IL1RAPL1: variants seen among roughly 807,000 people sequenced by gnomAD.
IL1RAPL1 encodes interleukin 1 receptor accessory protein like 1.
A neutral mutation model predicts 48.4 loss-of-function variants in IL1RAPL1; 3 were observed. The observed-to-expected ratio is 0.06, with a 90% CI of 0.03 to 0.16. The LOEUF is 0.16. IL1RAPL1 is among the 10% of genes least tolerant of loss of function. IL1RAPL1 has a pLI of 1.00. For synonymous variants in IL1RAPL1, 185 were observed against 187.7 expected (o/e 0.99, Z 0.12); for missense variants, 349 against 530.6 (o/e 0.66, Z 3.36).
At chrX:29,073,218 C>T (rs2147442070) in intron 2 of IL1RAPL1, among the ~76,000 whole-genome samples, 1 of 112,185 alleles carries the variant, frequency 8.9e-6, no homozygotes, top group Non-Finnish European at 1.9e-5. Context: ...AATCATATTA[C>T]ATTATCAGTA....
intron 2 of IL1RAPL1, among the ~76,000 whole-genome samples, chrX:28,955,548 A>T (rs890789276): frequency 3.7e-5 from 4 of 109,197 alleles, no homozygotes; most frequent in African/African-American, 1.3e-4. Context: ...TCCTTTCCCC[A>T]TTGCTTGTTT....
chrX:28,862,131 C>CT (rs772805527), intron 2 of IL1RAPL1, among the ~76,000 whole-genome samples: 1 of 112,003 alleles, frequency 8.9e-6, no homozygotes, highest in African/African-American at 3.2e-5. Context: ...GAAACACTAG[C>CT]TATCAGATTA....
intron 6 of IL1RAPL1, among the ~76,000 whole-genome samples, chrX:29,914,401 C>T (rs1413323437): frequency 9.0e-6 from 1 of 111,537 alleles, no homozygotes; most frequent in Non-Finnish European, 1.9e-5. Flanking sequence ...TAAGGAATGT[C>T]AGATTCCTTA....
intron 2 of IL1RAPL1, among the ~76,000 whole-genome samples, chrX:28,936,251 T>G (rs1197204979): frequency 9.0e-6 from 1 of 111,223 alleles, no homozygotes; most frequent in African/African-American, 3.3e-5. Context: ...TCAGATGATT[T>G]TCTCTATGGG....
chrX:29,659,472 A>G lies in IL1RAPL1; in HGVS notation c.704-8958A>G, dbSNP rs146852879. On this transcript the variant is annotated intron_variant, in intron 5 of 10. Coordinates refer to ENST00000378993, the MANE Select transcript of IL1RAPL1 (RefSeq NM_014271.4). ...AGGAAACTCCATAGAGTTTTCCACA[A>G]TGGCAGTACTACTTTACGTTTCCAC... Among the ~76,000 whole-genome samples, 944 of 112,275 alleles carry G rather than the reference A, an allele frequency of 8.4e-3. 6 individuals carry two copies. Among genetic ancestry groups the G allele is most frequent in the African/African-American group, 0.028 (872 of 30,910 alleles).
chrX:29,848,924 A>C (rs1054705558), intron 6 of IL1RAPL1, among the ~76,000 whole-genome samples: 1 of 110,211 alleles, frequency 9.1e-6, no homozygotes, highest in Non-Finnish European at 1.9e-5. Flanking sequence ...GCACCACCAT[A>C]CCTGGCAAAT....
intron 5 of IL1RAPL1, among the ~76,000 whole-genome samples, chrX:29,493,803 T>C (rs772576567): frequency 9.0e-6 from 1 of 111,340 alleles, no homozygotes; most frequent in Non-Finnish European, 1.9e-5. Context: ...ACCCACTAGG[T>C]AGTTTTTCAG....
At chrX:28,772,929 C>T (rs184698117) in intron 1 of IL1RAPL1, among the ~76,000 whole-genome samples, 5 of 111,915 alleles carry the variant, frequency 4.5e-5, no homozygotes, top group African/African-American at 1.6e-4. Flanking sequence ...CAACTATCTA[C>T]CTGCTCCTCA....
At chrX:29,508,731 A>G (rs1935362604) in intron 5 of IL1RAPL1, among the ~76,000 whole-genome samples, 1 of 111,716 alleles carries the variant, frequency 9.0e-6, no homozygotes, top group African/African-American at 3.3e-5. Flanking sequence ...TCTTTATGTG[A>G]GAAAAAATAA....
intron 5 of IL1RAPL1, among the ~76,000 whole-genome samples, chrX:29,467,704 C>T (rs958893394): frequency 2.7e-5 from 3 of 111,752 alleles, no homozygotes; most frequent in East Asian, 2.8e-4. Context: ...TCTGTATCTA[C>T]GCAATAAAAT....
intron 2 of IL1RAPL1, among the ~76,000 whole-genome samples, chrX:29,220,757 G>A (rs1413353018): frequency 9.0e-6 from 1 of 111,665 alleles, no homozygotes; most frequent in African/African-American, 3.3e-5. Flanking sequence ...GAAAAATAAA[G>A]GTAAGATGCA....
intron 6 of IL1RAPL1, among the ~76,000 whole-genome samples, chrX:29,726,748 G>A: frequency 1.8e-5 from 2 of 112,265 alleles, no homozygotes; most frequent in Admixed American, 1.9e-4. Flanking sequence ...TGAGGCAGGA[G>A]GATATCTTGA....
chrX:28,850,112 T>C lies in IL1RAPL1; in HGVS notation c.82+60687T>C, dbSNP rs1921620942. Among the ~76,000 whole-genome samples the C allele has an allele frequency of 3.6e-5, 4 of 112,615 alleles. No homozygotes were observed. In the South Asian group the frequency reaches 1.1e-3, roughly 31 times the overall value. ...GCTGAATTTTCTACAGTAATTTTTA[T>C]TTATCCATAAGTATTTGATTTCTGC... On this transcript the variant is annotated intron_variant, in intron 2 of 10. Coordinates refer to ENST00000378993, the MANE Select transcript of IL1RAPL1 (RefSeq NM_014271.4).
chrX:28,960,307 G>A (rs1036145858), intron 2 of IL1RAPL1, among the ~76,000 whole-genome samples: 2 of 111,359 alleles, frequency 1.8e-5, no homozygotes, highest in Non-Finnish European at 3.8e-5. Flanking sequence ...AGGGGGTTTA[G>A]CATTTTTATT....
chrX:29,837,292 T>TAC (rs1347691509), intron 6 of IL1RAPL1, among the ~76,000 whole-genome samples: 4 of 74,725 alleles, frequency 5.4e-5, no homozygotes, highest in African/African-American at 2.5e-4. Flanking sequence ...TATATATATA[T>TAC]ATATATATAC....
intron 2 of IL1RAPL1, among the ~76,000 whole-genome samples, chrX:29,029,170 C>T (rs1447977222): frequency 9.0e-6 from 1 of 111,115 alleles, no homozygotes; most frequent in African/African-American, 3.3e-5. Flanking sequence ...TGGGAGAAAC[C>T]ACCCCCATGA....
intron 6 of IL1RAPL1, among the ~76,000 whole-genome samples, chrX:29,733,036 G>T (rs1321492619): frequency 9.0e-6 from 1 of 111,310 alleles, no homozygotes; most frequent in Non-Finnish European, 1.9e-5. Flanking sequence ...GAAGAGAAAG[G>T]GAGGGAGGCA....
chrX:29,061,792 T>C (rs1389330512), intron 2 of IL1RAPL1, among the ~76,000 whole-genome samples: 1 of 112,692 alleles, frequency 8.9e-6, no homozygotes, highest in Non-Finnish European at 1.9e-5. Flanking sequence ...AACTAGCCTT[T>C]GGAAAATGGG....
intron 6 of IL1RAPL1, among the ~76,000 whole-genome samples, chrX:29,800,751 G>A (rs1385091930): frequency 1.9e-5 from 2 of 102,600 alleles, no homozygotes; most frequent in South Asian, 4.7e-4. Context: ...TTGGGAGACC[G>A]AGGTGGGCGG....
Sources: allele counts gnomAD v4.1 joint callset (sites outside exome capture counted in the v4.1 genomes callset), GRCh38; gene constraint gnomAD v4.1.1; transcripts MANE v1.5; gene names NCBI Gene and HGNC (gene_info 2026-07-23, HGNC 2026-07-21).